USP42: variants seen among roughly 807,000 people sequenced by gnomAD.
The protein encoded by USP42 is ubiquitin specific peptidase 42, also known as ubiquitin carboxyl-terminal hydrolase 42.
In USP42, 23 loss-of-function variants were observed where a neutral mutation model predicts 113.0. That is an observed-to-expected ratio of 0.20 (90% CI 0.15 to 0.29). The LOEUF is 0.29. Ranked by LOEUF, USP42 falls within the 10% of genes least tolerant of loss-of-function variation. The pLI is 1.00. For missense variants in USP42, 2,174 were observed against 1,779.8 expected (o/e 1.22, Z -3.99); for synonymous variants, 933 against 699.0 (o/e 1.33, Z -5.28).
intron 3 of USP42, among the ~76,000 whole-genome samples, chr7:6,132,776 A>G (rs1267886702): frequency 6.6e-6 from 1 of 152,040 alleles, no homozygotes; most frequent in Non-Finnish European, 1.5e-5. Context: ...GGTTCACGCC[A>G]TTCTCCTGCC....
the USP42 span, among the ~76,000 whole-genome samples, chr7:6,098,832 C>G: frequency 6.7e-6 from 1 of 150,268 alleles, no homozygotes; most frequent in Non-Finnish European, 1.5e-5. Flanking sequence ...AGGCATGAGC[C>G]ACCATGCCCT....
rs372821842 is a variant in USP42 at position 6,149,845 on chromosome 7, C to T, written c.1649C>T (p.Thr550Ile). The T allele has an allele frequency of 5.6e-6, 9 of 1,614,042 alleles. No homozygotes were observed. The highest frequency in any genetic ancestry group is 1.7e-5 in the Admixed American group (1 of 60,028). The change falls in exon 13 of 18, where the codon ACC (threonine) becomes ATC (isoleucine). Residue 550 changes from threonine to isoleucine, a missense_variant. Coordinates refer to ENST00000306177, the MANE Select transcript of USP42 (RefSeq NM_032172.3). Reference protein sequence around the residue: ...NLHSNSLENPTKPVPSSTITN... With the variant: ...NLHSNSLENPIKPVPSSTITN... Reference sequence around the variant, plus strand: ...CATAGTAATTCTTTGGAGAACCCTACCAAGCCCGTTCCCTCTTCTACCATT... The same window carrying T: ...CATAGTAATTCTTTGGAGAACCCTATCAAGCCCGTTCCCTCTTCTACCATT...
At chr7:6,082,151 T>C in the USP42 span, among the ~76,000 whole-genome samples, 2 of 151,346 alleles carry the variant, frequency 1.3e-5, no homozygotes, top group Admixed American at 6.6e-5. Flanking sequence ...TTTTTTGAGA[T>C]AGAGTCTCGC....
chr7:6,147,185 G>A (rs1226473126), intron 11 of USP42, among the ~76,000 whole-genome samples: 1 of 152,262 alleles, frequency 6.6e-6, no homozygotes, highest in Non-Finnish European at 1.5e-5. Context: ...CTCAGGCCAA[G>A]TTGAGGGGTA....
At chr7:6,143,744 A>G (rs1455765856) in intron 8 of USP42, among the ~76,000 whole-genome samples, 1 of 151,940 alleles carries the variant, frequency 6.6e-6, no homozygotes, top group Non-Finnish European at 1.5e-5. Context: ...TTTAAGACAT[A>G]TTTTCACATA....
chr7:6,117,940 T>G (rs1257513520), intron 3 of USP42, among the ~76,000 whole-genome samples: 1 of 152,260 alleles, frequency 6.6e-6, no homozygotes, highest in South Asian at 2.1e-4. Flanking sequence ...TTCTTATTGT[T>G]GAGCTTAGAG....
chr7:6,128,901 GCCTCAGTCTCCCAA>G lies in USP42; in HGVS notation c.443-6934_443-6921del, dbSNP rs569268277. 3.1e-3 allele frequency among the ~76,000 whole-genome samples: 479 copies of G among 152,152 alleles called. 3 individuals carry two copies. The highest frequency in any genetic ancestry group is 5.7e-3 in the Non-Finnish European group (391 of 68,014). ...GGTTGCACCATCTCAGCTCACTACA[GCCTCAGTCTCCCAA>G]CCTCAAATGATCCTCCTGCCTCAGC... On this transcript the variant is annotated intron_variant, in intron 3 of 17. Transcript: ENST00000306177.
chr7:6,149,433 G>T, intron 12 of USP42, 150 bp from the exon 13 acceptor site: 2 of 1,029,170 alleles, frequency 1.9e-6, no homozygotes, highest in East Asian at 5.3e-5. Context: ...GAGGGATTGA[G>T]AAAAACAGAG....
At chr7:6,147,462 A>G (rs1368311086) in intron 11 of USP42, among the ~76,000 whole-genome samples, 2 of 152,226 alleles carry the variant, frequency 1.3e-5, no homozygotes, top group Non-Finnish European at 2.9e-5. Flanking sequence ...GAAAATATAA[A>G]TAAACAGAAA....
intron 14 of USP42, among the ~76,000 whole-genome samples, 186 bp downstream of exon 14, chr7:6,150,692 A>G (rs892082454): frequency 6.6e-6 from 1 of 152,220 alleles, no homozygotes; most frequent in Non-Finnish European, 1.5e-5. Context: ...AAAATGTGGC[A>G]TACAGGACTG....
At position 6,120,782 on chromosome 7, in the gene USP42, C is replaced by T. The variant is rs201634514; in HGVS notation, c.442+5259C>T. 1.2e-4 allele frequency among the ~76,000 whole-genome samples: 19 copies of T among 152,138 alleles called. 1 individual carries two copies. In the East Asian group the frequency reaches 3.7e-3, roughly 29 times the overall value. On this transcript the variant is annotated intron_variant, in intron 3 of 17. Coordinates refer to ENST00000306177, the MANE Select transcript of USP42 (RefSeq NM_032172.3). ...TATTTTTAGTAGAGATGGGGTTTCA[C>T]CCTGTTGGCCAAGCTGGTCTCGAAC... is the stretch of plus-strand genomic sequence containing the variant.
chr7:6,115,251 C>G, intron 2 of USP42, 72 bp from the exon 3 acceptor site: 1 of 1,463,310 alleles, frequency 6.8e-7, no homozygotes, highest in Non-Finnish European at 9.5e-7. Flanking sequence ...TGAGGTTTGA[C>G]CAGGTGTTAC....
At chr7:6,122,898 G>A (rs914868778) in intron 3 of USP42, among the ~76,000 whole-genome samples, 2 of 151,212 alleles carry the variant, frequency 1.3e-5, no homozygotes, top group Non-Finnish European at 2.9e-5. Context: ...ATCTTGGTTC[G>A]CCGCAGCCTC....
At chr7:6,097,596 C>T in the USP42 span, among the ~76,000 whole-genome samples, 4 of 143,308 alleles carry the variant, frequency 2.8e-5, no homozygotes, top group Non-Finnish European at 4.6e-5. Context: ...TTTTTCTTTT[C>T]TTTTTTTTTT....
intron 3 of USP42, chr7:6,116,946 A>G (rs1305700731): frequency 8.3e-6 from 4 of 484,124 alleles, no homozygotes; most frequent in Admixed American, 2.5e-5. Context: ...TTAGGTGCCT[A>G]TCTTTTATGC....
Position 6,154,037 on chromosome 7 carries a change from C to T in USP42, c.2483C>T (p.Ala828Val), listed in dbSNP as rs377506977. Residue 828 changes from alanine to valine, a missense_variant, in exon 15 of 18, where the codon GCG (alanine) becomes GTG (valine). Transcript: ENST00000306177. ...GATCCCGGGAGCTTAACAGGCGATGCGAGCCCGTTGTCCCAGGACGCAAAG... is the reference window on the plus strand; with the variant it reads ...GATCCCGGGAGCTTAACAGGCGATGTGAGCCCGTTGTCCCAGGACGCAAAG... ...LCDPGSLTGD[A>V]SPLSQDAKGM... 15 of 1,604,974 alleles carry T rather than the reference C, an allele frequency of 9.3e-6. No homozygotes were observed. Among genetic ancestry groups the T allele is most frequent in the East Asian group, 8.9e-5 (4 of 44,874 alleles).
At chr7:6,098,904 G>A in the USP42 span, among the ~76,000 whole-genome samples, 1 of 149,968 alleles carries the variant, frequency 6.7e-6, no homozygotes, top group Non-Finnish European at 1.5e-5. Flanking sequence ...TAGTCTTCGG[G>A]TTGGTGGTAC....
chr7:6,093,553 G>C, the USP42 span, among the ~76,000 whole-genome samples: 2 of 150,762 alleles, frequency 1.3e-5, no homozygotes, highest in African/African-American at 5.0e-5. Context: ...AAAGTGCTGG[G>C]ATTACAGGCA....
chr7:6,131,639 C>T (rs1368769348), intron 3 of USP42, among the ~76,000 whole-genome samples: 2 of 152,116 alleles, frequency 1.3e-5, no homozygotes, highest in Non-Finnish European at 2.9e-5. Context: ...GGCTTGGTTG[C>T]CTGCAGTTGT....
Sources: gnomAD v4.1 joint callset for allele counts (sites outside exome capture counted in the v4.1 genomes callset) on GRCh38, gnomAD v4.1.1 for gene constraint, MANE v1.5 for transcripts, NCBI Gene and HGNC (gene_info 2026-07-23, HGNC 2026-07-21) for gene names.